NTM: variants seen among roughly 807,000 people sequenced by gnomAD.
The protein encoded by NTM is IgLON family member 2.
A neutral mutation model predicts 42.1 loss-of-function variants in NTM; 13 were observed. The ratio of observed to expected loss-of-function variants is 0.31; its 90% CI spans 0.20 to 0.49. NTM has a LOEUF of 0.49. Ranked by LOEUF, NTM falls within the 20% of genes least tolerant of loss-of-function variation. The probability of loss-of-function intolerance (pLI) is 0.99; values close to 1 mark genes in which losing one functional copy is unlikely to be tolerated. For missense variants in NTM, 373 were observed against 452.8 expected, an observed-to-expected ratio of 0.82 and a Z score of 1.60; for synonymous variants, 187 against 179.2, an observed-to-expected ratio of 1.04 and a Z score of -0.35.
At chr11:132,319,244 C>G (rs2095504826) in intron 7 of NTM, among the ~76,000 whole-genome samples, 1 of 152,194 alleles carries the variant, frequency 6.6e-6, no homozygotes, top group African/African-American at 2.4e-5. Flanking sequence ...CCGGGTTCAT[C>G]TCACTGGGGA....
chr11:132,311,796 G>T (rs1227573598), intron 6 of NTM, among the ~76,000 whole-genome samples: 5 of 152,170 alleles, frequency 3.3e-5, no homozygotes, highest in African/African-American at 9.7e-5. Context: ...AAATCTTAGA[G>T]GAAAATAAAG....
chr11:132,004,682 C>G (rs2070360810), intron 2 of NTM, among the ~76,000 whole-genome samples: 1 of 151,598 alleles, frequency 6.6e-6, no homozygotes, highest in Admixed American at 6.6e-5. Flanking sequence ...TAGACACATA[C>G]ACAGGTGCAT....
At chr11:131,651,975 G>C (rs904770851) in intron 1 of NTM, among the ~76,000 whole-genome samples, 2 of 152,098 alleles carry the variant, frequency 1.3e-5, no homozygotes, top group African/African-American at 2.4e-5. Flanking sequence ...GGCCCAAACA[G>C]CCTGAGGTGG....
chr11:131,638,864 G>GA (rs559469527), intron 1 of NTM, among the ~76,000 whole-genome samples: 44 of 143,064 alleles, frequency 3.1e-4, no homozygotes, highest in East Asian at 1.0e-3. Context: ...TACACCATAT[G>GA]AAAAAAAAAA....
chr11:131,731,442 A>C (rs1412139076), intron 1 of NTM, among the ~76,000 whole-genome samples: 4 of 152,200 alleles, frequency 2.6e-5, no homozygotes, highest in Non-Finnish European at 5.9e-5. Flanking sequence ...TTATTTAATC[A>C]GCTCCAAATT....
intron 1 of NTM, among the ~76,000 whole-genome samples, chr11:131,516,862 C>T (rs1296166392): frequency 6.6e-6 from 1 of 152,188 alleles, no homozygotes; most frequent in Non-Finnish European, 1.5e-5. Context: ...CTTTGTGCAT[C>T]CTCTTGGGCT....
At chr11:132,102,033 A>G (rs2061688887) in intron 2 of NTM, among the ~76,000 whole-genome samples, 1 of 152,192 alleles carries the variant, frequency 6.6e-6, no homozygotes, top group South Asian at 2.1e-4. Flanking sequence ...GGATCCGTTC[A>G]GTCATTGCCT....
At chr11:131,923,657 C>A (rs2057534580) in intron 2 of NTM, among the ~76,000 whole-genome samples, 1 of 152,160 alleles carries the variant, frequency 6.6e-6, no homozygotes, top group Non-Finnish European at 1.5e-5. Flanking sequence ...AAGGATTATT[C>A]TGCTCAAGGC....
chr11:131,980,007 G>T (rs1413091444), intron 2 of NTM, among the ~76,000 whole-genome samples: 1 of 152,182 alleles, frequency 6.6e-6, no homozygotes, highest in East Asian at 1.9e-4. Context: ...ACTGAGTCAG[G>T]TTCCAACTGC....
intron 1 of NTM, among the ~76,000 whole-genome samples, chr11:131,563,694 T>G (rs924070325): frequency 6.6e-6 from 1 of 150,810 alleles, no homozygotes; most frequent in Non-Finnish European, 1.5e-5. Context: ...AGGCACCCTC[T>G]CTCTTAAAAG....
At chr11:132,286,844 C>T (rs369245210) in intron 4 of NTM, among the ~76,000 whole-genome samples, 17 of 152,276 alleles carry the variant, frequency 1.1e-4, no homozygotes, top group African/African-American at 2.2e-4. Context: ...TAGGAAGCTC[C>T]GCCATCTGTT....
chr11:131,753,907 A>T (rs1012326025), intron 1 of NTM, among the ~76,000 whole-genome samples: 6 of 150,802 alleles, frequency 4.0e-5, no homozygotes, highest in African/African-American at 1.5e-4. Context: ...ATAAAATTAA[A>T]AAAAGAAAAT....
intron 1 of NTM, among the ~76,000 whole-genome samples, chr11:131,874,182 G>T (rs2048267531): frequency 6.7e-6 from 1 of 150,302 alleles, no homozygotes; most frequent in Non-Finnish European, 1.5e-5. Context: ...TCTGGAAAGA[G>T]GTAGGTTGGG....
rs559656160 is a variant in NTM at position 131,885,011 on chromosome 11, T to C, written c.83-26553T>C. On this transcript the variant is annotated intron_variant, in intron 1 of 8. Coordinates refer to ENST00000683400, the MANE Select transcript of NTM (RefSeq NM_001352005.2). Reference sequence around the variant, plus strand: ...AGCATTACAGCTGGGTAACAGCTGATGCTGAGACCCACGGTTTGGGTCAAG... The same window carrying C: ...AGCATTACAGCTGGGTAACAGCTGACGCTGAGACCCACGGTTTGGGTCAAG... 5.3e-5 allele frequency among the ~76,000 whole-genome samples: 8 copies of C among 152,316 alleles called. No individual in the cohort carries two copies. In the South Asian group the frequency reaches 1.7e-3, roughly 32 times the overall value.
At chr11:131,887,265 T>G (rs1321679591) in intron 1 of NTM, among the ~76,000 whole-genome samples, 1 of 152,240 alleles carries the variant, frequency 6.6e-6, no homozygotes, top group Non-Finnish European at 1.5e-5. Flanking sequence ...CTTGAATATA[T>G]ACAGTTTTAT....
At chr11:131,892,825 G>A (rs2051588637) in intron 1 of NTM, among the ~76,000 whole-genome samples, 2 of 152,242 alleles carry the variant, frequency 1.3e-5, no homozygotes, top group South Asian at 2.1e-4. Context: ...GTGAAGCGGG[G>A]CATCTCATTG....
At chr11:131,591,176 C>T (rs572661573) in intron 1 of NTM, among the ~76,000 whole-genome samples, 42 of 152,330 alleles carry the variant, frequency 2.8e-4, no homozygotes, top group African/African-American at 9.9e-4. Flanking sequence ...CCTCCCAGCC[C>T]CCACCGCAGG....
intron 3 of NTM, among the ~76,000 whole-genome samples, chr11:132,181,711 C>T (rs1258000406): frequency 2.0e-5 from 3 of 152,184 alleles, no homozygotes; most frequent in African/African-American, 7.2e-5. Context: ...GATGTTGGCA[C>T]TATTGAAACA....
chr11:131,935,250 T>C (rs2059085645), intron 2 of NTM, among the ~76,000 whole-genome samples: 1 of 152,218 alleles, frequency 6.6e-6, no homozygotes, highest in African/African-American at 2.4e-5. Flanking sequence ...AATGAACTAT[T>C]TACAGCTTGA....
Sources: gnomAD v4.1 joint callset for allele counts (sites outside exome capture counted in the v4.1 genomes callset) on GRCh38, gnomAD v4.1.1 for gene constraint, MANE v1.5 for transcripts, NCBI Gene and HGNC (gene_info 2026-07-23, HGNC 2026-07-21) for gene names.